The following INSL6 variants were observed in gnomAD, a reference collection of about 807,000 sequenced individuals.
INSL6 encodes the protein insulin like 6.
INSL6 carries 16 observed loss-of-function variants against 9.4 expected under a neutral mutation model. That is an observed-to-expected ratio of 1.70 (90% CI 1.15 to 2.59). INSL6 has a LOEUF of 2.59. Ranked by LOEUF, INSL6 falls within the 30% of genes most tolerant of loss-of-function variation. The pLI is 0.00. For missense variants in INSL6, 391 were observed against 257.3 expected, an observed-to-expected ratio of 1.52 and a Z score of -3.56; for synonymous variants, 154 against 96.9, an observed-to-expected ratio of 1.59 and a Z score of -3.46.
the INSL6 span, among the ~76,000 whole-genome samples, chr9:5,060,029 T>TG: frequency 6.6e-6 from 1 of 152,304 alleles, no homozygotes; most frequent in South Asian, 2.1e-4. Context: ...AATTTTGCAA[T>TG]GAAGTGAGTC....
At chr9:5,017,095 G>T in the INSL6 span, among the ~76,000 whole-genome samples, 1 of 152,210 alleles carries the variant, frequency 6.6e-6, no homozygotes, top group Admixed American at 6.5e-5. Flanking sequence ...ACATGTAGGA[G>T]TGATAGCAGA....
At chr9:5,090,751 C>A in the INSL6 span, 2 of 1,602,832 alleles carry the variant, frequency 1.2e-6, no homozygotes, top group Non-Finnish European at 1.7e-6. Flanking sequence ...TATGGAGTAT[C>A]TTGGTACAAA....
At chr9:5,036,229 A>T in the INSL6 span, among the ~76,000 whole-genome samples, 1 of 152,176 alleles carries the variant, frequency 6.6e-6, no homozygotes, top group Non-Finnish European at 1.5e-5. Flanking sequence ...GTAAAAGAGG[A>T]TACAAACAAA....
chr9:5,174,216 C>G (rs1825248388), intron 1 of INSL6, among the ~76,000 whole-genome samples: 1 of 152,192 alleles, frequency 6.6e-6, no homozygotes, highest in Admixed American at 6.5e-5. Context: ...ACACATTTCT[C>G]TTGGCCCCAC....
At chr9:4,997,750 A>T in the INSL6 span, among the ~76,000 whole-genome samples, 1 of 152,184 alleles carries the variant, frequency 6.6e-6, no homozygotes, top group East Asian at 1.9e-4. Flanking sequence ...GGATTTTAGG[A>T]CTTGGGGAAT....
At chr9:5,015,232 T>C in the INSL6 span, among the ~76,000 whole-genome samples, 3 of 152,232 alleles carry the variant, frequency 2.0e-5, no homozygotes. Flanking sequence ...GCGCAATGAA[T>C]ATTCTTGTAA....
At chr9:5,073,593 C>T in the INSL6 span, 1 of 839,334 alleles carries the variant, frequency 1.2e-6, no homozygotes, top group Non-Finnish European at 2.0e-6. Context: ...TATAGTCATG[C>T]TGAAAGTAGG....
At chr9:5,040,124 G>T in the INSL6 span, among the ~76,000 whole-genome samples, 4 of 152,196 alleles carry the variant, frequency 2.6e-5, no homozygotes, top group Non-Finnish European at 4.4e-5. Context: ...TTAATGGAAA[G>T]GAATTGACAG....
intron 2 of INSL6, among the ~76,000 whole-genome samples, chr9:5,144,543 A>ACCCC (rs1484593636): frequency 3.9e-5 from 6 of 152,042 alleles, no homozygotes; most frequent in Non-Finnish European, 8.8e-5. Context: ...TATCTTTGTT[A>ACCCC]ATTTTCTGTC....
the INSL6 span, among the ~76,000 whole-genome samples, chr9:4,994,635 A>G: frequency 2.6e-5 from 4 of 152,226 alleles, no homozygotes; most frequent in African/African-American, 9.7e-5. Context: ...GCAGTTATAG[A>G]CAATACGTAA....
intron 1 of INSL6, among the ~76,000 whole-genome samples, chr9:5,176,933 A>G (rs1261203392): frequency 2.0e-5 from 3 of 152,084 alleles, no homozygotes; most frequent in South Asian, 4.2e-4. Flanking sequence ...ATAGCTAAAG[A>G]AAAAAAAGTA....
chr9:5,045,754 CT>C, the INSL6 span, among the ~76,000 whole-genome samples: 3 of 152,072 alleles, frequency 2.0e-5, no homozygotes, highest in Admixed American at 6.5e-5. Flanking sequence ...AATTTCTTTC[CT>C]TTTTAAGGCT....
At chr9:5,075,829 T>C in the INSL6 span, among the ~76,000 whole-genome samples, 4 of 152,184 alleles carry the variant, frequency 2.6e-5, no homozygotes, top group Admixed American at 6.5e-5. Flanking sequence ...TAGTGATTCC[T>C]CTGGTGGATC....
the INSL6 span, chr9:5,086,133 C>G: frequency 2.6e-6 from 1 of 390,512 alleles, no homozygotes; most frequent in South Asian, 3.1e-5. Flanking sequence ...CGCGCGGCCC[C>G]GGCGGCCCCG....
the INSL6 span, chr9:5,090,369 T>A: frequency 9.3e-7 from 1 of 1,070,964 alleles, no homozygotes; most frequent in Non-Finnish European, 1.3e-6. Context: ...TTAAGTCATT[T>A]ATGTATGATA....
In INSL6 at chr9:5,158,511, G is replaced by C. The variant is rs138229449; in HGVS notation, c.376+5668C>G. On this transcript the variant is annotated intron_variant, in intron 2 of 3. Coordinates refer to the INSL6 transcript ENST00000649639. ...AAACAAACAAGATATTAATACAATGGAACTTCAACATGTCTGGTAACAGAC... is the reference window on the plus strand; with the variant it reads ...AAACAAACAAGATATTAATACAATGCAACTTCAACATGTCTGGTAACAGAC... Among the ~76,000 whole-genome samples, 175 of 152,272 alleles carry C rather than the reference G, an allele frequency of 1.1e-3. 1 individual carries two copies. Among genetic ancestry groups the C allele is most frequent in the African/African-American group, 3.8e-3 (160 of 41,564 alleles).
chr9:5,011,721 C>T, the INSL6 span, among the ~76,000 whole-genome samples: 6 of 151,924 alleles, frequency 3.9e-5, no homozygotes, highest in Non-Finnish European at 8.8e-5. Context: ...GTAGAAACTC[C>T]GGATGATGTG....
intron 2 of INSL6, among the ~76,000 whole-genome samples, chr9:5,154,542 T>C (rs1050496300): frequency 3.7e-4 from 56 of 152,142 alleles, no homozygotes; most frequent in Admixed American, 1.8e-3. Flanking sequence ...AGGCAACCTA[T>C]AGAATGGGAG....
chr9:5,042,943 G>C, the INSL6 span, among the ~76,000 whole-genome samples: 1 of 152,234 alleles, frequency 6.6e-6, no homozygotes, highest in South Asian at 2.1e-4. Flanking sequence ...TGCTTCTCGA[G>C]GCACCTGTTC....
Sources: allele counts gnomAD v4.1 joint callset (sites outside exome capture counted in the v4.1 genomes callset), GRCh38; gene constraint gnomAD v4.1.1; transcripts MANE v1.5; gene names NCBI Gene and HGNC (gene_info 2026-07-23, HGNC 2026-07-21).